Variants in NEK5 observed in about 807,000 individuals in gnomAD.
The protein encoded by NEK5 is NIMA related kinase 5.
A neutral mutation model predicts 109.2 loss-of-function variants in NEK5; 88 were observed. The ratio of observed to expected loss-of-function variants is 0.81; its 90% CI spans 0.68 to 0.96. The LOEUF is 0.96. Ranked by LOEUF, NEK5 falls within the 40% of genes least tolerant of loss-of-function variation. NEK5 has a pLI of 0.00. For missense variants in NEK5, 834 were observed against 920.7 expected (o/e 0.91, Z 1.22); for synonymous variants, 283 against 299.9 (o/e 0.94, Z 0.58).
intron 22 of NEK5, among the ~76,000 whole-genome samples, chr13:52,059,462 C>A: frequency 7.8e-6 from 1 of 128,118 alleles, no homozygotes; most frequent in Admixed American, 8.5e-5. Flanking sequence ...GGGTATATAC[C>A]CAAAGGACTA....
At chr13:52,081,543 C>T (rs1031049476) in intron 17 of NEK5, among the ~76,000 whole-genome samples, 2 of 152,058 alleles carry the variant, frequency 1.3e-5, no homozygotes, top group Non-Finnish European at 2.9e-5. Flanking sequence ...AACTAAGGAA[C>T]GGATACTTTA....
intron 22 of NEK5, among the ~76,000 whole-genome samples, chr13:52,060,158 A>T (rs191457118): frequency 6.6e-6 from 1 of 152,274 alleles, no homozygotes; most frequent in East Asian, 1.9e-4. Context: ...ATGAGTTTAT[A>T]ATCTTAAACT....
intron 4 of NEK5, among the ~76,000 whole-genome samples, chr13:52,112,638 G>C (rs1955780159): frequency 6.6e-6 from 1 of 152,132 alleles, no homozygotes; most frequent in Non-Finnish European, 1.5e-5. Context: ...TACATAATGA[G>C]AGTTTAAGAA....
chr13:52,091,674 A>G (rs1449659910), intron 13 of NEK5, among the ~76,000 whole-genome samples: 1 of 152,214 alleles, frequency 6.6e-6, no homozygotes, highest in Non-Finnish European at 1.5e-5. Context: ...TTGATGACAA[A>G]ACATTTTTAA....
intron 3 of NEK5, among the ~76,000 whole-genome samples, chr13:52,124,904 C>A (rs1956035010): frequency 6.6e-6 from 1 of 152,140 alleles, no homozygotes; most frequent in South Asian, 2.1e-4. Context: ...ATCCAAGTGA[C>A]CCAGGGCCTC....
intron 16 of NEK5, among the ~76,000 whole-genome samples, chr13:52,084,959 C>T (rs1002801489): frequency 2.0e-5 from 3 of 152,018 alleles, no homozygotes; most frequent in African/African-American, 4.8e-5. Context: ...TTAAATATTT[C>T]GTCTGCCTTG....
chr13:52,090,877 T>A (rs1004769045), intron 13 of NEK5, among the ~76,000 whole-genome samples: 4 of 151,986 alleles, frequency 2.6e-5, no homozygotes, highest in African/African-American at 9.7e-5. Context: ...TACAAAAAAA[T>A]TAACCAGGTG....
Position 52,035,424 on chromosome 13 carries a change from T to C in NEK5, c.*1524A>G. The C allele has an allele frequency of 6.6e-6, 1 of 152,332 alleles. No homozygotes were observed. Among genetic ancestry groups the C allele is most frequent in the East Asian group, 1.9e-4 (1 of 5,190 alleles). 9.4% of individuals were successfully genotyped at this position (152,332 alleles called of 1,614,324 possible). A position where few individuals can be genotyped will look rare whatever the true frequency, so the allele number is the denominator to read the frequency against. On this transcript the variant is annotated 3_prime_UTR_variant, in exon 24 of 24. Coordinates refer to ENST00000684899, the MANE Select transcript of NEK5 (RefSeq NM_001365552.1). ...TATCGGTGAGACATTTTACTTTTAT[T>C]ATAAAGCAGATATTTCAGGCAGAAT...
intron 4 of NEK5, among the ~76,000 whole-genome samples, chr13:52,116,800 C>T (rs1161600394): frequency 6.6e-6 from 1 of 152,168 alleles, no homozygotes; most frequent in African/African-American, 2.4e-5. Context: ...TGGCATATAA[C>T]AGACACTTAG....
intron 3 of NEK5, among the ~76,000 whole-genome samples, chr13:52,126,158 C>T (rs974078336): frequency 6.6e-6 from 1 of 152,192 alleles, no homozygotes; most frequent in Non-Finnish European, 1.5e-5. Flanking sequence ...ACCAACAAGA[C>T]TTGCCTTAGA....
At chr13:52,083,136 C>T (rs1407370257) in intron 17 of NEK5, 124 bp downstream of exon 17, 8 of 622,982 alleles carry the variant, frequency 1.3e-5, no homozygotes, top group Non-Finnish European at 2.3e-5. Flanking sequence ...CAGAGTGAGA[C>T]TCCGTCTCAT....
chr13:52,056,885 GA>G (rs1434612324), intron 22 of NEK5, among the ~76,000 whole-genome samples: 1 of 151,968 alleles, frequency 6.6e-6, no homozygotes, highest in Non-Finnish European at 1.5e-5. Context: ...ATAATTAAAA[GA>G]ACTAGAAAAG....
chr13:52,072,749 A>G (rs1954804368), intron 19 of NEK5, among the ~76,000 whole-genome samples: 1 of 152,260 alleles, frequency 6.6e-6, no homozygotes, highest in Admixed American at 6.5e-5. Flanking sequence ...TCATAAAAAT[A>G]AGAAATGCTA....
intron 22 of NEK5, among the ~76,000 whole-genome samples, chr13:52,060,138 A>G (rs1056790126): frequency 2.0e-5 from 3 of 152,242 alleles, no homozygotes; most frequent in Admixed American, 6.5e-5. Context: ...TAAGATATTA[A>G]TGACTAATTA....
intron 21 of NEK5, chr13:52,065,161 G>A (rs1422825872): frequency 5.1e-5 from 20 of 393,686 alleles, no homozygotes; most frequent in South Asian, 2.2e-4. Context: ...CTATGAAATC[G>A]CAAAAAAAGT....
intron 22 of NEK5, among the ~76,000 whole-genome samples, chr13:52,056,549 A>G (rs1954556554): frequency 6.8e-6 from 1 of 146,870 alleles, no homozygotes; most frequent in Admixed American, 6.9e-5. Flanking sequence ...ACTTGGAAGT[A>G]AAGCTCTCCT....
chr13:52,049,356 C>T (rs1170075191), intron 23 of NEK5, among the ~76,000 whole-genome samples: 1 of 151,944 alleles, frequency 6.6e-6, no homozygotes. Context: ...CCCAGGAATT[C>T]GAGGCTACAG....
At chr13:52,104,123 C>T (rs1955600426) in intron 9 of NEK5, among the ~76,000 whole-genome samples, 1 of 152,152 alleles carries the variant, frequency 6.6e-6, no homozygotes, top group African/African-American at 2.4e-5. Flanking sequence ...CCATGCCTGG[C>T]TAATTTTTGT....
rs566880532 is a variant in NEK5 at position 52,115,352 on chromosome 13, C to T, written c.215-2987G>A. 2.6e-5 allele frequency among the ~76,000 whole-genome samples: 4 copies of T among 151,504 alleles called. No homozygotes were observed. In the South Asian group the frequency reaches 8.5e-4, roughly 32 times the overall value. On this transcript the variant is annotated intron_variant, in intron 4 of 23. Transcript: ENST00000684899. Reference sequence around the variant, plus strand: ...AGGTGCAGTGGCTCATGCCTGTAATCCCAGCACTTTGGGAGGCCGAGATGA... The same window carrying T: ...AGGTGCAGTGGCTCATGCCTGTAATTCCAGCACTTTGGGAGGCCGAGATGA...
Sources: allele counts gnomAD v4.1 joint callset (sites outside exome capture counted in the v4.1 genomes callset), GRCh38; gene constraint gnomAD v4.1.1; transcripts MANE v1.5; gene names NCBI Gene and HGNC (gene_info 2026-07-23, HGNC 2026-07-21).